Variants in PLD5 observed in about 807,000 individuals in gnomAD.
PLD5 encodes inactive phospholipase D5.
A neutral mutation model predicts 61.1 loss-of-function variants in PLD5; 36 were observed. The ratio of observed to expected loss-of-function variants is 0.59; its 90% CI spans 0.45 to 0.78. PLD5 has a LOEUF of 0.78. Among genes scored for constraint, PLD5 ranks in the 30% least tolerant of loss-of-function variants. The pLI is 0.00. For synonymous variants in PLD5, 243 were observed against 242.8 expected (o/e 1.00, Z -0.01); for missense variants, 515 against 644.4 (o/e 0.80, Z 2.17).
At position 242,189,445 on chromosome 1, in the gene PLD5, CAAA is replaced by C. The variant is rs58476673; in HGVS notation, c.735+30540_735+30542del. Among the ~76,000 whole-genome samples, 424 of 70,400 alleles carry C rather than the reference CAAA, an allele frequency of 6.0e-3. 3 individuals are homozygous for C. Among genetic ancestry groups the C allele is most frequent in the African/African-American group, 0.018 (400 of 22,040 alleles). The allele number at this position is 70,400 out of a possible 152,430, so 46.2% of individuals were successfully genotyped here. A position where few individuals can be genotyped will look rare whatever the true frequency, so the allele number is the denominator to read the frequency against. On this transcript the variant is annotated intron_variant, in intron 5 of 9. Transcript: ENST00000536534. Reference sequence around the variant, plus strand: ...TGGGTGACAGAGTGAGACTCCATCTCAAAAAAAAAAAAAAAAAAAAAAAGGATT... The same window carrying C: ...TGGGTGACAGAGTGAGACTCCATCTCAAAAAAAAAAAAAAAAAAAAGGATT...
intron 1 of PLD5, among the ~76,000 whole-genome samples, chr1:242,516,751 G>A (rs1669117674): frequency 1.3e-5 from 2 of 152,184 alleles, no homozygotes; most frequent in African/African-American, 4.8e-5. Flanking sequence ...TAGATGCCTG[G>A]AAGCAGGCTT....
At chr1:242,413,427 C>T (rs1268284805) in intron 1 of PLD5, among the ~76,000 whole-genome samples, 2 of 151,892 alleles carry the variant, frequency 1.3e-5, no homozygotes, top group Non-Finnish European at 2.9e-5. Flanking sequence ...ACAAGATGTT[C>T]ACAGACTAGC....
At position 242,207,834 on chromosome 1, in the gene PLD5, T is replaced by TTA. The variant is rs1159882646; in HGVS notation, c.735+12152_735+12153dup. On this transcript the variant is annotated intron_variant, in intron 5 of 9. Coordinates refer to ENST00000536534, the MANE Select transcript of PLD5 (RefSeq NM_001372062.1). ...TTTATATTTATATATTTATATATAT[T>TTA]TATATATTTATATATATTTATATAT... is the stretch of plus-strand genomic sequence containing the variant. Among the ~76,000 whole-genome samples, 127 of 45,848 alleles carry TTA rather than the reference T, an allele frequency of 2.8e-3. 15 individuals carry two copies. The highest frequency in any genetic ancestry group is 0.011 in the African/African-American group (119 of 10,592). 30.1% of individuals were successfully genotyped at this position (45,848 alleles called of 152,430 possible). A position where few individuals can be genotyped will look rare whatever the true frequency, so the allele number is the denominator to read the frequency against.
chr1:242,420,471 A>G (rs1665077804), intron 1 of PLD5, among the ~76,000 whole-genome samples: 10 of 152,180 alleles, frequency 6.6e-5, no homozygotes, highest in Admixed American at 6.5e-4. Context: ...TTCTTTAGAT[A>G]CTAAAAACAT....
At chr1:242,383,248 A>T (rs1662403254) in intron 1 of PLD5, among the ~76,000 whole-genome samples, 1 of 152,154 alleles carries the variant, frequency 6.6e-6, no homozygotes, top group Non-Finnish European at 1.5e-5. Context: ...CAATCAATGT[A>T]CATTTTTATG....
chr1:242,159,369 G>A (rs952226177), intron 5 of PLD5, among the ~76,000 whole-genome samples: 7 of 152,164 alleles, frequency 4.6e-5, no homozygotes, highest in African/African-American at 1.4e-4. Context: ...CAAGGTGTGT[G>A]TTGTCAGTGT....
At chr1:242,486,577 A>T (rs191160462) in intron 1 of PLD5, among the ~76,000 whole-genome samples, 5 of 152,326 alleles carry the variant, frequency 3.3e-5, no homozygotes, top group African/African-American at 1.2e-4. Context: ...GCTGGAGAGG[A>T]TGTGGAGAAA....
chr1:242,166,561 C>G (rs547926943), intron 5 of PLD5, among the ~76,000 whole-genome samples: 1 of 152,174 alleles, frequency 6.6e-6, no homozygotes, highest in Non-Finnish European at 1.5e-5. Flanking sequence ...CTCCGAAACC[C>G]GAAACAAATC....
intron 2 of PLD5, among the ~76,000 whole-genome samples, chr1:242,315,249 A>C (rs1446292379): frequency 1.3e-5 from 2 of 152,228 alleles, no homozygotes; most frequent in Non-Finnish European, 2.9e-5. Context: ...CAGATGATTC[A>C]AATAAAAATA....
intron 1 of PLD5, among the ~76,000 whole-genome samples, chr1:242,371,799 A>C (rs1400189046): frequency 6.6e-6 from 1 of 152,150 alleles, no homozygotes; most frequent in African/African-American, 2.4e-5. Flanking sequence ...TATAATATAG[A>C]GTGACCTCAG....
intron 9 of PLD5, among the ~76,000 whole-genome samples, chr1:242,093,741 G>A (rs1375317699): frequency 6.6e-6 from 1 of 151,844 alleles, no homozygotes; most frequent in Non-Finnish European, 1.5e-5. Context: ...GCCACATTGA[G>A]AATTCTGCTA....
chr1:242,251,922 G>C (rs748627490), intron 4 of PLD5, among the ~76,000 whole-genome samples: 4 of 152,176 alleles, frequency 2.6e-5, no homozygotes, highest in Non-Finnish European at 5.9e-5. Context: ...AAATGTACTG[G>C]GATAGAGCAC....
rs560329652 is a variant in PLD5 at position 242,402,936 on chromosome 1, G to A, written c.190-54694C>T. 2.0e-5 allele frequency among the ~76,000 whole-genome samples: 3 copies of A among 152,284 alleles called. No homozygotes were observed. In the East Asian group the frequency reaches 5.8e-4, roughly 29 times the overall value. On this transcript the variant is annotated intron_variant, in intron 1 of 9. Transcript: ENST00000536534. ...ATTTACTGCAGCAATAAATCACACA[G>A]TGACAACTAAAAACAACAGGAGAAA...
chr1:242,194,498 T>C (rs1242843689), intron 5 of PLD5, among the ~76,000 whole-genome samples: 1 of 152,134 alleles, frequency 6.6e-6, no homozygotes, highest in African/African-American at 2.4e-5. Context: ...CATTCACAAT[T>C]GCAAAATCGT....
intron 1 of PLD5, among the ~76,000 whole-genome samples, chr1:242,413,520 G>T (rs1200670079): frequency 6.6e-6 from 1 of 152,132 alleles, no homozygotes; most frequent in East Asian, 1.9e-4. Context: ...GAATATTATG[G>T]CTGTTTTTCA....
intron 1 of PLD5, 34 bp downstream of exon 1, chr1:242,524,054 C>T (rs1295907659): frequency 6.6e-7 from 1 of 1,523,134 alleles, no homozygotes; most frequent in Admixed American, 2.0e-5. Flanking sequence ...CGGCAGGTGC[C>T]TGGCCGAGGC....
intron 6 of PLD5, among the ~76,000 whole-genome samples, chr1:242,114,436 CTTCT>C (rs747568765): frequency 1.3e-5 from 2 of 150,302 alleles, no homozygotes; most frequent in African/African-American, 2.5e-5. Context: ...CAATATCTTC[CTTCT>C]AACTATTTGA....
At chr1:242,115,617 G>A (rs556915238) in intron 6 of PLD5, among the ~76,000 whole-genome samples, 7 of 151,210 alleles carry the variant, frequency 4.6e-5, no homozygotes, top group African/African-American at 1.7e-4. Context: ...CATCTGAAAT[G>A]TGATGATGTG....
At chr1:242,444,524 C>A (rs984717343) in intron 1 of PLD5, among the ~76,000 whole-genome samples, 2 of 150,940 alleles carry the variant, frequency 1.3e-5, no homozygotes, top group East Asian at 3.9e-4. Flanking sequence ...GCTTCTGAAA[C>A]CTGTGGACAT....
Sources: gnomAD v4.1 joint callset for allele counts (sites outside exome capture counted in the v4.1 genomes callset) on GRCh38, gnomAD v4.1.1 for gene constraint, MANE v1.5 for transcripts, NCBI Gene and HGNC (gene_info 2026-07-23, HGNC 2026-07-21) for gene names.